Variants in EIF2B3 observed in about 807,000 individuals in gnomAD.
EIF2B3 encodes the protein translation initiation factor eIF2B subunit gamma.
EIF2B3 carries 20 observed loss-of-function variants against 54.1 expected under a neutral mutation model. That is an observed-to-expected ratio of 0.37 (90% CI 0.26 to 0.54). The LOEUF (loss-of-function observed/expected upper bound fraction) is 0.54, where lower values mean the gene tolerates loss of function less well. Ranked by LOEUF, EIF2B3 falls within the 20% of genes least tolerant of loss-of-function variation. The probability of loss-of-function intolerance (pLI) is 0.86; values close to 1 mark genes in which losing one functional copy is unlikely to be tolerated. For synonymous variants in EIF2B3, 153 were observed against 188.1 expected, an observed-to-expected ratio of 0.81 and a Z score of 1.52; for missense variants, 448 against 547.8, an observed-to-expected ratio of 0.82 and a Z score of 1.82.
At chr1:44,959,221 C>A in intron 3 of EIF2B3, 1 of 696,998 alleles carries the variant, frequency 1.4e-6, no homozygotes, top group Non-Finnish European at 2.6e-6. Context: ...GATAGTACAC[C>A]TGTTTAAATC....
At chr1:44,872,293 A>G (rs1654991148) in intron 10 of EIF2B3, among the ~76,000 whole-genome samples, 1 of 152,076 alleles carries the variant, frequency 6.6e-6, no homozygotes, top group South Asian at 2.1e-4. Flanking sequence ...TCGACCTTCC[A>G]AAGTGCCGGG....
intron 3 of EIF2B3, among the ~76,000 whole-genome samples, chr1:44,945,611 C>T (rs977899684): frequency 1.3e-5 from 2 of 150,504 alleles, no homozygotes; most frequent in African/African-American, 4.9e-5. Context: ...AACCCTACAC[C>T]TGCAACTCAC....
chr1:44,884,255 A>C (rs1655505060), intron 6 of EIF2B3, among the ~76,000 whole-genome samples: 1 of 152,226 alleles, frequency 6.6e-6, no homozygotes, highest in Non-Finnish European at 1.5e-5. Context: ...AAGGGAGACC[A>C]GTTACAATAT....
intron 5 of EIF2B3, among the ~76,000 whole-genome samples, chr1:44,908,284 T>A (rs1175913519): frequency 3.9e-5 from 6 of 152,166 alleles, no homozygotes; most frequent in Non-Finnish European, 7.3e-5. Context: ...TAACTTATAG[T>A]CCAGAGCAAT....
chr1:44,874,887 C>T (rs888602115), intron 9 of EIF2B3, 61 bp from the exon 10 acceptor site: 1 of 1,602,064 alleles, frequency 6.2e-7, no homozygotes. Flanking sequence ...AACCACCCTC[C>T]AGATCCCTCA....
chr1:44,901,152 G>A (rs996436133), intron 5 of EIF2B3, among the ~76,000 whole-genome samples: 3 of 151,518 alleles, frequency 2.0e-5, no homozygotes, highest in Non-Finnish European at 4.4e-5. Flanking sequence ...TTTTGCTCTT[G>A]TTGCCCAGGC....
intron 10 of EIF2B3, among the ~76,000 whole-genome samples, chr1:44,860,821 C>T (rs1024595484): frequency 6.6e-6 from 1 of 151,974 alleles, no homozygotes. Context: ...GGTGTAAGCA[C>T]CCTTTTAACA....
chr1:44,897,997 G>T (rs1176464251), intron 5 of EIF2B3, among the ~76,000 whole-genome samples: 1 of 151,876 alleles, frequency 6.6e-6, no homozygotes, highest in African/African-American at 2.4e-5. Context: ...CAGCCTCCCA[G>T]AGTGGTTGGA....
At chr1:44,935,934 CATTTTGGTTTTTT>C (rs1483412312) in intron 4 of EIF2B3, among the ~76,000 whole-genome samples, 1 of 148,178 alleles carries the variant, frequency 6.7e-6, no homozygotes, top group African/African-American at 2.5e-5. Context: ...GATATTGTGG[CATTTTGGTTTTTT>C]TTTTTTTCTG....
intron 3 of EIF2B3, among the ~76,000 whole-genome samples, chr1:44,970,725 T>C (rs887795620): frequency 6.6e-5 from 10 of 152,230 alleles, no homozygotes; most frequent in African/African-American, 2.4e-4. Context: ...TACAAGTTTA[T>C]GTTAATTCTA....
In EIF2B3 at chr1:44,938,034, A is replaced by G. The variant is rs550607556; in HGVS notation, c.454+3472T>C. On this transcript the variant is annotated intron_variant, in intron 4 of 11. Coordinates refer to ENST00000360403, the MANE Select transcript of EIF2B3 (RefSeq NM_020365.5). ...TGAGAAGAAAGTGCAAGGGGAAGAA[A>G]GGTGGCTCCAGAAACATCCAGAGAT... 3.3e-5 allele frequency among the ~76,000 whole-genome samples: 5 copies of G among 152,090 alleles called. No individual in the cohort carries two copies. The East Asian group carries it at 7.7e-4, about 24-fold the overall frequency.
chr1:44,979,263 C>CA (rs1164140004), intron 2 of EIF2B3, among the ~76,000 whole-genome samples: 31 of 148,338 alleles, frequency 2.1e-4, no homozygotes, highest in Non-Finnish European at 3.0e-4. Flanking sequence ...AACAAACAAA[C>CA]AAAAAAAAAC....
At chr1:44,960,533 G>A (rs1479593275) in intron 3 of EIF2B3, among the ~76,000 whole-genome samples, 4 of 152,050 alleles carry the variant, frequency 2.6e-5, no homozygotes, top group Non-Finnish European at 4.4e-5. Context: ...CAGCTACTCC[G>A]GAGGCTGAGG....
chr1:44,876,125 G>C (rs888327282), intron 8 of EIF2B3, among the ~76,000 whole-genome samples: 1 of 152,142 alleles, frequency 6.6e-6, no homozygotes, highest in Admixed American at 6.5e-5. Flanking sequence ...GCGTGATCTC[G>C]GCTAGCTACA....
At chr1:44,857,639 C>G in intron 11 of EIF2B3, 65 bp downstream of exon 11, 1 of 1,473,580 alleles carries the variant, frequency 6.8e-7, no homozygotes, top group South Asian at 1.1e-5. Context: ...TCCTCACCAG[C>G]CTTTGGCATT....
intron 5 of EIF2B3, among the ~76,000 whole-genome samples, chr1:44,904,287 T>TTA (rs1643371485): frequency 6.6e-6 from 1 of 152,210 alleles, no homozygotes; most frequent in Non-Finnish European, 1.5e-5. Context: ...AGGCTTCTCT[T>TTA]TGCATGAATA....
chr1:44,867,508 G>A (rs2148897639), intron 10 of EIF2B3, among the ~76,000 whole-genome samples: 1 of 152,220 alleles, frequency 6.6e-6, no homozygotes, highest in South Asian at 2.1e-4. Flanking sequence ...ACTGCTGGCA[G>A]AGACAAGCAC....
At chr1:44,944,829 A>G (rs1482445246) in intron 3 of EIF2B3, among the ~76,000 whole-genome samples, 4 of 152,120 alleles carry the variant, frequency 2.6e-5, no homozygotes, top group African/African-American at 9.7e-5. Flanking sequence ...GCCTTGTCTC[A>G]AATAAATAAA....
chr1:44,887,797 C>CG (rs1273759854), intron 6 of EIF2B3, among the ~76,000 whole-genome samples: 4 of 151,972 alleles, frequency 2.6e-5, no homozygotes, highest in African/African-American at 7.3e-5. Context: ...CCTGGCTACT[C>CG]GGGGGGCTGA....
Sources: gnomAD v4.1 joint callset for allele counts (sites outside exome capture counted in the v4.1 genomes callset) on GRCh38, gnomAD v4.1.1 for gene constraint, MANE v1.5 for transcripts, NCBI Gene and HGNC (gene_info 2026-07-23, HGNC 2026-07-21) for gene names.